The following WDR59 variants were observed in gnomAD, a reference collection of about 807,000 sequenced individuals.
WDR59 encodes WD repeat domain 59.
Under a neutral mutation model 131.2 loss-of-function variants are expected in WDR59, and 100 were observed. The ratio of observed to expected loss-of-function variants is 0.76; its 90% CI spans 0.65 to 0.90. The LOEUF is 0.90. WDR59 is among the 40% of genes least tolerant of loss of function. The pLI is 0.00. For missense variants in WDR59, 1,203 were observed against 1,262.2 expected, an observed-to-expected ratio of 0.95 and a Z score of 0.71; for synonymous variants, 601 against 466.2, an observed-to-expected ratio of 1.29 and a Z score of -3.72.
At chr16:74,906,685 T>C (rs145899404) in intron 17 of WDR59, among the ~76,000 whole-genome samples, 1 of 152,194 alleles carries the variant, frequency 6.6e-6, no homozygotes. Context: ...TGCTGACACA[T>C]GCAGCAATGT....
chr16:74,886,062 C>T (rs1964741814), intron 24 of WDR59: 1 of 693,808 alleles, frequency 1.4e-6, no homozygotes, highest in African/African-American at 1.8e-5. Flanking sequence ...CCTGTAATCC[C>T]AGCTACTCAG....
chr16:74,980,691 G>A (rs757890189), intron 1 of WDR59, among the ~76,000 whole-genome samples: 1 of 152,094 alleles, frequency 6.6e-6, no homozygotes, highest in Non-Finnish European at 1.5e-5. Flanking sequence ...ATTATTTTCA[G>A]ACCAGGTGCA....
chr16:74,934,535 G>A (rs1022542115), intron 8 of WDR59, among the ~76,000 whole-genome samples: 1 of 152,222 alleles, frequency 6.6e-6, no homozygotes, highest in Admixed American at 6.5e-5. Flanking sequence ...ATCTGATACA[G>A]GTAGTTATTA....
In WDR59 at chr16:74,909,483, A is replaced by G. The variant is rs752604576; in HGVS notation, c.1642+18T>C. ...GCTCCCTCTCGAAATCTAGAATCAA[A>G]GAACCAAAGAGACCCACCTGCTCCG... On this transcript the variant is annotated intron_variant, in intron 16 of 25. Coordinates refer to ENST00000262144, the MANE Select transcript of WDR59 (RefSeq NM_030581.4). 1.3e-6 allele frequency: 2 copies of G among 1,523,056 alleles called. No homozygotes were observed. Among genetic ancestry groups the G allele is most frequent in the African/African-American group, 2.8e-5 (2 of 71,346 alleles). 94.3% of individuals were successfully genotyped at this position (1,523,056 alleles called of 1,614,324 possible).
intron 1 of WDR59, among the ~76,000 whole-genome samples, chr16:74,976,567 G>A (rs1223407070): frequency 6.6e-6 from 1 of 151,318 alleles, no homozygotes; most frequent in African/African-American, 2.4e-5. Flanking sequence ...TCAGCCTCCT[G>A]AGTAGCTGGG....
intron 8 of WDR59, 56 bp downstream of exon 8, chr16:74,938,094 C>T: frequency 8.2e-7 from 1 of 1,214,260 alleles, no homozygotes; most frequent in African/African-American, 1.6e-5. Flanking sequence ...TGGAATCATA[C>T]ATCCCTGATG....
chr16:74,954,541 T>G (rs1006048002), intron 3 of WDR59, among the ~76,000 whole-genome samples: 3 of 152,210 alleles, frequency 2.0e-5, no homozygotes, highest in African/African-American at 7.2e-5. Context: ...CTCTGTGCAT[T>G]GCTGATGGGA....
At position 74,892,623 on chromosome 16, in the gene WDR59, G is replaced by A. The variant is rs560978088; in HGVS notation, c.2001-58C>T. 109 of 1,345,082 alleles carry A rather than the reference G, an allele frequency of 8.1e-5. 1 individual carries two copies. The East Asian group carries it at 2.3e-3, about 28-fold the overall frequency. The allele number at this position is 1,345,082 out of a possible 1,614,324, so 83.3% of individuals were successfully genotyped here. A position where few individuals can be genotyped will look rare whatever the true frequency, so the allele number is the denominator to read the frequency against. On this transcript the variant is annotated intron_variant, in intron 19 of 25. Transcript: ENST00000262144. The stretch of plus-strand genomic sequence containing the variant: ...TTCTAGTGTAACTTCCCAAATCAAC[G>A]ACTCCCAGTTTAACAGACAGATGAG...
At chr16:74,925,298 G>A (rs2030665873) in intron 8 of WDR59, among the ~76,000 whole-genome samples, 1 of 152,162 alleles carries the variant, frequency 6.6e-6, no homozygotes, top group Admixed American at 6.5e-5. Flanking sequence ...CACTTTGGGA[G>A]GCCAAGGCAG....
At chr16:74,892,100 T>A (rs1255661578) in intron 20 of WDR59, among the ~76,000 whole-genome samples, 1 of 152,230 alleles carries the variant, frequency 6.6e-6, no homozygotes, top group Admixed American at 6.5e-5. Context: ...TGTTAAATCA[T>A]ATTTTAAAAC....
intron 18 of WDR59, among the ~76,000 whole-genome samples, chr16:74,895,413 C>G (rs1320444136): frequency 2.0e-5 from 3 of 152,106 alleles, no homozygotes; most frequent in Non-Finnish European, 4.4e-5. Flanking sequence ...CAGGCATGCA[C>G]CATCATACTC....
intron 11 of WDR59, among the ~76,000 whole-genome samples, chr16:74,916,737 C>T (rs1966407388): frequency 6.6e-6 from 1 of 151,732 alleles, no homozygotes; most frequent in South Asian, 2.1e-4. Flanking sequence ...CGGACGCCTA[C>T]AGTCCCAGCT....
In WDR59 at chr16:74,891,928, A is replaced by C. The variant is rs80077086; in HGVS notation, c.2082+556T>G. 6.9e-3 allele frequency among the ~76,000 whole-genome samples: 1,044 copies of C among 152,324 alleles called. 7 individuals carry two copies. Among genetic ancestry groups the C allele is most frequent in the African/African-American group, 0.024 (979 of 41,570 alleles). On this transcript the variant is annotated intron_variant, in intron 20 of 25. Transcript: ENST00000262144. Reference sequence around the variant, plus strand: ...GACAGAGTGAAACTCCATCAAAAAAAACAAAAACAAAAACAAACCACTGAA... The same window carrying C: ...GACAGAGTGAAACTCCATCAAAAAACACAAAAACAAAAACAAACCACTGAA...
At chr16:74,948,448 G>T in intron 6 of WDR59, 71 bp downstream of exon 6, 1 of 1,394,920 alleles carries the variant, frequency 7.2e-7, no homozygotes. Flanking sequence ...GAAGGAACGG[G>T]AAAGAACTGG....
At chr16:74,921,003 T>A (rs904274712) in intron 10 of WDR59, among the ~76,000 whole-genome samples, 2 of 152,140 alleles carry the variant, frequency 1.3e-5, no homozygotes, top group Non-Finnish European at 2.9e-5. Flanking sequence ...ATTACATAGA[T>A]TTTCACTTTA....
At chr16:74,912,709 G>C (rs1309613317) in intron 13 of WDR59, among the ~76,000 whole-genome samples, 1 of 152,156 alleles carries the variant, frequency 6.6e-6, no homozygotes, top group African/African-American at 2.4e-5. Context: ...TGAGAGCCTT[G>C]AACAAAGATT....
chr16:74,979,974 G>C (rs1274050116), intron 1 of WDR59, among the ~76,000 whole-genome samples: 4 of 150,108 alleles, frequency 2.7e-5, no homozygotes, highest in Non-Finnish European at 5.9e-5. Context: ...TCAGCCTCCC[G>C]AGTAGCTGGG....
At chr16:74,919,512 T>TA (rs397730831) in intron 10 of WDR59, among the ~76,000 whole-genome samples, 9 of 151,212 alleles carry the variant, frequency 6.0e-5, no homozygotes, top group South Asian at 2.1e-4. Context: ...TTTTTTTTTT[T>TA]AATATATTTT....
At chr16:74,902,438 T>A (rs982628171) in intron 18 of WDR59, among the ~76,000 whole-genome samples, 1 of 151,806 alleles carries the variant, frequency 6.6e-6, no homozygotes, top group Admixed American at 6.6e-5. Flanking sequence ...GTGTTTGTAG[T>A]AAAAAAGGCC....
Sources: allele counts gnomAD v4.1 joint callset (sites outside exome capture counted in the v4.1 genomes callset), GRCh38; gene constraint gnomAD v4.1.1; transcripts MANE v1.5; gene names NCBI Gene and HGNC (gene_info 2026-07-23, HGNC 2026-07-21).